The following EPN2 variants were observed in gnomAD, a reference collection of about 807,000 sequenced individuals.
EPN2 encodes epsin 2, also known as epsin-2.
Under a neutral mutation model 61.7 loss-of-function variants are expected in EPN2, and 34 were observed. The observed-to-expected ratio is 0.55, with a 90% CI of 0.42 to 0.73. The LOEUF (loss-of-function observed/expected upper bound fraction) is 0.73. Among genes scored for constraint, EPN2 ranks in the 30% least tolerant of loss-of-function variants. The pLI, the probability that EPN2 is intolerant of heterozygous loss-of-function variation, is 0.00. For missense variants in EPN2, 714 were observed against 839.2 expected, an observed-to-expected ratio of 0.85 and a Z score of 1.84; for synonymous variants, 349 against 353.6, an observed-to-expected ratio of 0.99 and a Z score of 0.15.
chr17:19,323,185 T>C (rs769608894), intron 7 of EPN2, among the ~76,000 whole-genome samples: 4 of 152,110 alleles, frequency 2.6e-5, no homozygotes, highest in South Asian at 2.1e-4. Context: ...ATAATAGTTA[T>C]GGTGCTGTAT....
chr17:19,243,629 G>A (rs2044911668), intron 1 of EPN2, among the ~76,000 whole-genome samples: 1 of 152,026 alleles, frequency 6.6e-6, no homozygotes, highest in African/African-American at 2.4e-5. Context: ...TCCTGACCTT[G>A]TGATCCGCCT....
Position 19,277,757 on chromosome 17 carries a change from C to T in EPN2, c.-293-4198C>T, listed in dbSNP as rs538213840. Among the ~76,000 whole-genome samples the T allele has an allele frequency of 7.2e-5, 11 of 152,212 alleles. 1 individual carries two copies. The highest frequency in any genetic ancestry group is 5.2e-4 in the Admixed American group (8 of 15,298). On this transcript the variant is annotated intron_variant, in intron 1 of 10. Transcript: ENST00000314728. ...TCCAAAGTCTCGCTTAGGTGAGGTG[C>T]GTAGTCCAGTTGGCCTGGAAAATGA...
intron 4 of EPN2, chr17:19,306,364 T>C (rs1417742798): frequency 1.3e-5 from 2 of 152,384 alleles, no homozygotes; most frequent in African/African-American, 4.8e-5. Flanking sequence ...CGAAGCTCAG[T>C]CCCGTTGTGT....
chr17:19,245,216 A>G (rs1818708236), intron 1 of EPN2, among the ~76,000 whole-genome samples: 1 of 152,138 alleles, frequency 6.6e-6, no homozygotes, highest in African/African-American at 2.4e-5. Context: ...CTTGACCCCA[A>G]GGAAGTCTGT....
intron 1 of EPN2, among the ~76,000 whole-genome samples, chr17:19,237,874 C>G (rs2044834958): frequency 6.6e-6 from 1 of 152,196 alleles, no homozygotes; most frequent in Non-Finnish European, 1.5e-5. Context: ...GATCCTGGAG[C>G]CCCGTTCATC....
intron 4 of EPN2, among the ~76,000 whole-genome samples, chr17:19,289,148 G>A (rs1240382173): frequency 3.0e-5 from 4 of 134,836 alleles, no homozygotes; most frequent in Middle Eastern, 4.0e-3. Flanking sequence ...GCAGTGGCAC[G>A]ATCTCCGCTT....
At chr17:19,239,837 C>G (rs899658266) in intron 1 of EPN2, among the ~76,000 whole-genome samples, 1 of 152,200 alleles carries the variant, frequency 6.6e-6, no homozygotes, top group Non-Finnish European at 1.5e-5. Flanking sequence ...GTGATAATAT[C>G]TAGCATCGTG....
chr17:19,277,619 C>G (rs1358554456), intron 1 of EPN2, among the ~76,000 whole-genome samples: 2 of 152,090 alleles, frequency 1.3e-5, no homozygotes, highest in African/African-American at 4.8e-5. Flanking sequence ...TATTGGAAGT[C>G]CAGGTGTTCA....
chr17:19,312,944 G>A (rs1906215200), intron 6 of EPN2, 161 bp from the exon 7 acceptor site: 6 of 681,836 alleles, frequency 8.8e-6, no homozygotes. Flanking sequence ...GGCTGGACGG[G>A]GAGGGAGATG....
At chr17:19,309,107 T>A (rs1005389829) in intron 4 of EPN2, among the ~76,000 whole-genome samples, 7 of 151,952 alleles carry the variant, frequency 4.6e-5, no homozygotes, top group Non-Finnish European at 8.8e-5. Context: ...TTTTCCATGA[T>A]CTCGTAGTAA....
chr17:19,243,120 ACTC>A (rs1458172850), intron 1 of EPN2, among the ~76,000 whole-genome samples: 2 of 151,778 alleles, frequency 1.3e-5, no homozygotes, highest in African/African-American at 4.8e-5. Flanking sequence ...TGTTTCTCAA[ACTC>A]CTGTGTGCAG....
intron 1 of EPN2, among the ~76,000 whole-genome samples, chr17:19,246,890 C>G (rs936439750): frequency 6.6e-6 from 1 of 151,552 alleles, no homozygotes; most frequent in African/African-American, 2.4e-5. Context: ...GTCTCAGCCT[C>G]CCAAGTAGCT....
intron 1 of EPN2, among the ~76,000 whole-genome samples, chr17:19,257,679 G>C (rs763928188): frequency 2.0e-5 from 3 of 151,904 alleles, no homozygotes; most frequent in Admixed American, 6.6e-5. Context: ...CACCATGCCT[G>C]GCTAATGTTT....
chr17:19,255,739 C>T (rs553911097), intron 1 of EPN2, among the ~76,000 whole-genome samples: 1 of 151,928 alleles, frequency 6.6e-6, no homozygotes, highest in South Asian at 2.1e-4. Flanking sequence ...CTTCCCTCCT[C>T]AGCCTCCTGA....
At chr17:19,319,420 G>C (rs1026134485) in intron 7 of EPN2, among the ~76,000 whole-genome samples, 2 of 151,670 alleles carry the variant, frequency 1.3e-5, no homozygotes, top group African/African-American at 4.8e-5. Flanking sequence ...TGCCTTCCAG[G>C]TTCAAGCAAT....
Position 19,290,720 on chromosome 17 carries a change from A to G in EPN2, c.766+4930A>G, listed in dbSNP as rs28405898. 2.4e-3 allele frequency among the ~76,000 whole-genome samples: 258 copies of G among 105,342 alleles called. 2 individuals carry two copies. The highest frequency in any genetic ancestry group is 6.9e-3 in the Middle Eastern group (1 of 144). 69.1% of individuals were successfully genotyped at this position (105,342 alleles called of 152,430 possible). A position where few individuals can be genotyped will look rare whatever the true frequency, so the allele number is the denominator to read the frequency against. Reference sequence around the variant, plus strand: ...GTTCTCAAAAAAAAAAAAAAAGAAAAAAAAAGAAAAAGGAAGGCAGGCAGA... The same window carrying G: ...GTTCTCAAAAAAAAAAAAAAAGAAAGAAAAAGAAAAAGGAAGGCAGGCAGA... On this transcript the variant is annotated intron_variant, in intron 4 of 10. Coordinates refer to ENST00000314728, the MANE Select transcript of EPN2 (RefSeq NM_014964.5).
Position 19,334,103 on chromosome 17 carries a change from CGAT to C in EPN2, c.1778_1780del (p.Met593del). On this transcript the variant is annotated inframe_deletion, in exon 11 of 11. Coordinates refer to ENST00000314728, the MANE Select transcript of EPN2 (RefSeq NM_014964.5). The surrounding 1 kb of genome is among the most constrained non-coding windows in gnomAD (Gnocchi z 4.9). ...GGAGTGGAGTCCATGGCTGTGGCCTCGATGACCTCCGCGGCCCCACAGCCAGCT... is the reference window on the plus strand; with the variant it reads ...GGAGTGGAGTCCATGGCTGTGGCCTCGACCTCCGCGGCCCCACAGCCAGCT... The C allele has an allele frequency of 1.2e-6, 2 of 1,608,594 alleles. No homozygotes were observed. Among genetic ancestry groups the C allele is most frequent in the South Asian group, 2.2e-5 (2 of 89,876 alleles).
intron 4 of EPN2, among the ~76,000 whole-genome samples, chr17:19,292,217 A>G (rs894200670): frequency 6.6e-6 from 1 of 152,192 alleles, no homozygotes; most frequent in Non-Finnish European, 1.5e-5. Flanking sequence ...TGCAGGGCTG[A>G]GTGATGCTGC....
chr17:19,280,761 A>G (rs753798669), intron 1 of EPN2, among the ~76,000 whole-genome samples: 1 of 152,206 alleles, frequency 6.6e-6, no homozygotes, highest in Non-Finnish European at 1.5e-5. Context: ...GCAGGACACC[A>G]GCTAGGTGTC....
Sources: gnomAD v4.1 joint callset for allele counts (sites outside exome capture counted in the v4.1 genomes callset) on GRCh38, gnomAD v4.1.1 for gene constraint, Gnocchi (gnomAD v3.1) non-coding constraint, MANE v1.5 for transcripts, NCBI Gene and HGNC (gene_info 2026-07-23, HGNC 2026-07-21) for gene names.